Variants in NRG3 observed in about 807,000 individuals in gnomAD.
NRG3 encodes the protein pro-neuregulin-3, membrane-bound isoform.
Under a neutral mutation model 66.9 loss-of-function variants are expected in NRG3, and 31 were observed. That is an observed-to-expected ratio of 0.46 (90% confidence interval 0.35 to 0.63). NRG3 has a LOEUF of 0.63. NRG3 is among the 20% of genes least tolerant of loss of function. The probability of loss-of-function intolerance (pLI) is 0.00; values close to 1 mark genes in which losing one functional copy is unlikely to be tolerated. For missense variants in NRG3, 910 were observed against 878.9 expected (o/e 1.04, Z -0.45); for synonymous variants, 393 against 359.4 (o/e 1.09, Z -1.06).
intron 2 of NRG3, among the ~76,000 whole-genome samples, chr10:82,667,862 C>T (rs920643387): frequency 6.6e-6 from 1 of 152,160 alleles, no homozygotes; most frequent in Non-Finnish European, 1.5e-5. Context: ...CATGTTTATA[C>T]ATATGTATGC....
At chr10:82,911,459 C>T (rs574573483) in intron 4 of NRG3, among the ~76,000 whole-genome samples, 1 of 151,970 alleles carries the variant, frequency 6.6e-6, no homozygotes, top group East Asian at 1.9e-4. Flanking sequence ...AGATTATCTA[C>T]TTCTGGTTTT....
intron 3 of NRG3, among the ~76,000 whole-genome samples, chr10:82,783,801 C>T (rs1340217687): frequency 6.6e-6 from 1 of 152,116 alleles, no homozygotes; most frequent in Non-Finnish European, 1.5e-5. Flanking sequence ...TTTATAGCTT[C>T]AATGCCATCC....
chr10:82,503,266 G>A (rs12261065), intron 2 of NRG3, among the ~76,000 whole-genome samples: 8,426 of 152,218 alleles, frequency 0.055, 511 homozygotes, highest in East Asian at 0.17. Context: ...AGGGAGAGAT[G>A]CATTTTAGAG....
chr10:82,283,208 C>G (rs1351997650), intron 1 of NRG3, among the ~76,000 whole-genome samples: 2 of 151,974 alleles, frequency 1.3e-5, no homozygotes, highest in African/African-American at 2.4e-5. Context: ...GTGCTTAGTT[C>G]TGAAGTGGAA....
At chr10:82,098,048 CAT>C (rs36047188) in intron 1 of NRG3, among the ~76,000 whole-genome samples, 1 of 138,042 alleles carries the variant, frequency 7.2e-6, no homozygotes, top group South Asian at 2.3e-4. Context: ...TAGTCTGCCA[CAT>C]ATATACACAC....
At chr10:82,716,239 ATT>A (rs2056964219) in intron 2 of NRG3, among the ~76,000 whole-genome samples, 1 of 152,196 alleles carries the variant, frequency 6.6e-6, no homozygotes, top group Non-Finnish European at 1.5e-5. Context: ...CAGTTTTAAT[ATT>A]CAGGTAAGTT....
At chr10:82,658,682 C>T (rs956453274) in intron 2 of NRG3, among the ~76,000 whole-genome samples, 9 of 151,832 alleles carry the variant, frequency 5.9e-5, no homozygotes, top group African/African-American at 1.4e-4. Flanking sequence ...GAAGTGGGGG[C>T]GGGAGAGATT....
intron 3 of NRG3, among the ~76,000 whole-genome samples, chr10:82,782,772 C>A (rs1017470106): frequency 1.3e-5 from 2 of 152,112 alleles, no homozygotes; most frequent in Non-Finnish European, 2.9e-5. Context: ...TGAATTCTAC[C>A]AGAGGTACAA....
intron 3 of NRG3, among the ~76,000 whole-genome samples, chr10:82,775,639 T>C (rs1394681532): frequency 6.6e-6 from 1 of 152,150 alleles, no homozygotes; most frequent in African/African-American, 2.4e-5. Flanking sequence ...AAAATTGCAT[T>C]TCAAGTTCTA....
intron 2 of NRG3, among the ~76,000 whole-genome samples, chr10:82,384,488 T>C (rs1369898146): frequency 6.6e-6 from 1 of 152,172 alleles, no homozygotes; most frequent in African/African-American, 2.4e-5. Flanking sequence ...GTCCATGTGT[T>C]ATTATCATTT....
intron 1 of NRG3, among the ~76,000 whole-genome samples, chr10:81,924,519 G>C (rs1357894733): frequency 6.6e-6 from 1 of 152,156 alleles, no homozygotes; most frequent in Non-Finnish European, 1.5e-5. Context: ...GAGCTGTTCA[G>C]CTTTCTTATA....
At chr10:82,386,956 C>T (rs187947077) in intron 2 of NRG3, among the ~76,000 whole-genome samples, 6 of 152,170 alleles carry the variant, frequency 3.9e-5, no homozygotes, top group Admixed American at 1.3e-4. Flanking sequence ...CACAGTAACA[C>T]GCCCAGCTAA....
intron 2 of NRG3, among the ~76,000 whole-genome samples, chr10:82,472,685 C>CA (rs1334702170): frequency 1.3e-5 from 2 of 152,170 alleles, no homozygotes; most frequent in African/African-American, 4.8e-5. Context: ...GTAATGAGAG[C>CA]ATGTTTTCCC....
intron 2 of NRG3, among the ~76,000 whole-genome samples, chr10:82,418,294 T>G (rs183833591): frequency 1.7e-4 from 26 of 152,270 alleles, no homozygotes; most frequent in Admixed American, 1.6e-3. Flanking sequence ...ACTAGTAAGA[T>G]CAAATCACCC....
intron 3 of NRG3, among the ~76,000 whole-genome samples, chr10:82,851,867 G>A (rs189159424): frequency 1.4e-3 from 211 of 152,288 alleles, no homozygotes; most frequent in African/African-American, 4.9e-3. Flanking sequence ...AGATGGGCAA[G>A]CAAACTAATG....
intron 1 of NRG3, among the ~76,000 whole-genome samples, chr10:82,291,766 TCAAA>T (rs755317732): frequency 1.2e-4 from 18 of 152,136 alleles, no homozygotes; most frequent in South Asian, 2.1e-4. Flanking sequence ...GGAAAAACAA[TCAAA>T]CAAACAAAAA....
At chr10:82,276,158 C>T (rs1222861523) in intron 1 of NRG3, among the ~76,000 whole-genome samples, 1 of 151,922 alleles carries the variant, frequency 6.6e-6, no homozygotes, top group African/African-American at 2.4e-5. Flanking sequence ...ATTATTTGAA[C>T]ATAATGGATA....
chr10:82,955,628 G>A (rs1246270794), intron 5 of NRG3, among the ~76,000 whole-genome samples: 1 of 151,772 alleles, frequency 6.6e-6, no homozygotes, highest in Non-Finnish European at 1.5e-5. Flanking sequence ...GGAAAAAAGA[G>A]GAGGATAAAA....
chr10:82,584,717 T>TGGAGAAGG (rs1279742720), intron 2 of NRG3, among the ~76,000 whole-genome samples: 2 of 152,186 alleles, frequency 1.3e-5, no homozygotes, highest in Non-Finnish European at 2.9e-5. Flanking sequence ...TTTGTTACTT[T>TGGAGAAGG]GGAGAAGGGC....
Sources: gnomAD v4.1 joint callset for allele counts (sites outside exome capture counted in the v4.1 genomes callset) on GRCh38, gnomAD v4.1.1 for gene constraint, MANE v1.5 for transcripts, NCBI Gene and HGNC (gene_info 2026-07-23, HGNC 2026-07-21) for gene names.